Variants in PHIP observed in about 807,000 individuals in gnomAD.
PHIP encodes the protein PHIP subunit of CUL4-Ring ligase complex.
PHIP carries 54 observed loss-of-function variants against 236.8 expected under a neutral mutation model. The ratio of observed to expected loss-of-function variants is 0.23; its 90% CI spans 0.18 to 0.29. The LOEUF is 0.29. Among genes scored for constraint, PHIP ranks in the 10% least tolerant of loss-of-function variants. PHIP has a pLI of 1.00. For missense variants in PHIP, 1,370 were observed against 2,190.8 expected, an observed-to-expected ratio of 0.63 and a Z score of 7.48; for synonymous variants, 756 against 718.9, an observed-to-expected ratio of 1.05 and a Z score of -0.83.
intron 32 of PHIP, 116 bp downstream of exon 32, chr6:78,958,359 T>C: frequency 1.5e-6 from 1 of 655,352 alleles, no homozygotes; most frequent in Non-Finnish European, 2.6e-6. Context: ...AGCTGAGCTA[T>C]TTTGGCTACT....
intron 33 of PHIP, 142 bp downstream of exon 33, chr6:78,955,471 A>G (rs1582101724): frequency 1.8e-6 from 1 of 552,168 alleles, no homozygotes; most frequent in East Asian, 3.1e-5. Flanking sequence ...AGAATATTCT[A>G]CTGCCAGTTG....
Position 78,969,480 on chromosome 6 carries a change from T to C in PHIP, c.3205+355A>G, listed in dbSNP as rs571796171. Among the ~76,000 whole-genome samples, 7 of 152,318 alleles carry C rather than the reference T, an allele frequency of 4.6e-5. No homozygotes were observed. In the South Asian group the frequency reaches 1.4e-3, roughly 32 times the overall value. On this transcript the variant is annotated intron_variant, in intron 27 of 39. Transcript: ENST00000275034. ...ATAGGATTAACCAATAAAAGAAAAA[T>C]GTCAGTTTAGCTTTAGTCCCAGTAC...
At chr6:79,068,668 T>A (rs1293611657) in intron 4 of PHIP, among the ~76,000 whole-genome samples, 1 of 152,212 alleles carries the variant, frequency 6.6e-6, no homozygotes. Flanking sequence ...GTTAGTACTG[T>A]ACCTAACAGT....
chr6:79,018,220 G>A (rs1011689510), intron 10 of PHIP, among the ~76,000 whole-genome samples: 4 of 151,832 alleles, frequency 2.6e-5, no homozygotes, highest in African/African-American at 9.7e-5. Context: ...CCTTGAAAAA[G>A]GAGTAAAAAT....
At chr6:79,062,560 T>C (rs1381797235) in intron 4 of PHIP, among the ~76,000 whole-genome samples, 1 of 152,224 alleles carries the variant, frequency 6.6e-6, no homozygotes, top group African/African-American at 2.4e-5. Flanking sequence ...ACTTATTAAC[T>C]TCAGATGTGT....
chr6:79,029,793 G>A (rs150060335), intron 7 of PHIP, among the ~76,000 whole-genome samples: 3 of 152,106 alleles, frequency 2.0e-5, no homozygotes, highest in Non-Finnish European at 4.4e-5. Flanking sequence ...GCCTCCCAAC[G>A]TGCTGGGATT....
At chr6:78,987,741 G>C (rs552592798) in intron 21 of PHIP, among the ~76,000 whole-genome samples, 1 of 152,030 alleles carries the variant, frequency 6.6e-6, no homozygotes, top group Non-Finnish European at 1.5e-5. Context: ...AAATAATGAC[G>C]CATGAGGAAT....
At chr6:78,990,642 G>A (rs1052138144) in intron 20 of PHIP, among the ~76,000 whole-genome samples, 1 of 152,070 alleles carries the variant, frequency 6.6e-6, no homozygotes, top group African/African-American at 2.4e-5. Flanking sequence ...AGAATTTCAT[G>A]AGTATGTAAG....
rs144035457 is a variant in PHIP, at chr6:79,075,419, G to A, written c.189+2029C>T. Among the ~76,000 whole-genome samples, 315 of 152,188 alleles carry A rather than the reference G, an allele frequency of 2.1e-3. 1 individual carries two copies. Among genetic ancestry groups the A allele is most frequent in the African/African-American group, 6.9e-3 (286 of 41,544 alleles). On this transcript the variant is annotated intron_variant, in intron 4 of 39. Transcript: ENST00000275034. ...GTCTGATGAGTATGCCAACGTTCCT[G>A]TTCTAGTAAGGAGAAAACTCCAAGC...
At chr6:79,054,314 A>T (rs1772957032) in intron 6 of PHIP, among the ~76,000 whole-genome samples, 1 of 150,576 alleles carries the variant, frequency 6.6e-6, no homozygotes. Flanking sequence ...GACAAAAAAG[A>T]ATATAACTGA....
intron 35 of PHIP, among the ~76,000 whole-genome samples, chr6:78,952,428 GAA>G (rs1188992535): frequency 1.7e-5 from 1 of 57,682 alleles, no homozygotes; most frequent in African/African-American, 5.9e-5. Context: ...AAAAAAAAAA[GAA>G]AAAAAAAAAA....
chr6:79,000,745 A>G (rs36000864), intron 17 of PHIP, among the ~76,000 whole-genome samples: 243 of 152,156 alleles, frequency 1.6e-3, no homozygotes, highest in Middle Eastern at 3.4e-3. Context: ...GTATCTGTCC[A>G]TACTTCTCGA....
chr6:78,949,741 T>A (rs1378218950), intron 35 of PHIP, among the ~76,000 whole-genome samples: 1 of 151,932 alleles, frequency 6.6e-6, no homozygotes, highest in Non-Finnish European at 1.5e-5. Context: ...CAGGCTAGAG[T>A]TCAGTGGTAT....
intron 4 of PHIP, among the ~76,000 whole-genome samples, chr6:79,073,518 T>C (rs1001979379): frequency 1.4e-4 from 22 of 152,164 alleles, no homozygotes; most frequent in African/African-American, 5.3e-4. Context: ...AACTATGTTA[T>C]CTTCAATATA....
chr6:78,943,813 C>A (rs1300873622), intron 39 of PHIP, among the ~76,000 whole-genome samples: 1 of 151,664 alleles, frequency 6.6e-6, no homozygotes, highest in African/African-American at 2.4e-5. Context: ...ATGGTGAAAT[C>A]CTGTCTATAT....
intron 19 of PHIP, among the ~76,000 whole-genome samples, chr6:78,993,060 G>A (rs1420160532): frequency 6.6e-6 from 1 of 152,194 alleles, no homozygotes; most frequent in Admixed American, 6.5e-5. Flanking sequence ...GCTTGTTGCC[G>A]ATACAGAAAT....
At chr6:79,039,043 T>C (rs1327589224) in intron 7 of PHIP, among the ~76,000 whole-genome samples, 3 of 152,196 alleles carry the variant, frequency 2.0e-5, no homozygotes, top group Non-Finnish European at 2.9e-5. Context: ...ATTTCTTTTA[T>C]AGATCACTGC....
chr6:78,978,779 TA>T, intron 23 of PHIP, 68 bp from the exon 24 acceptor site: 1 of 1,233,506 alleles, frequency 8.1e-7, no homozygotes, highest in South Asian at 1.4e-5. Flanking sequence ...ATCTACTCTT[TA>T]AAATAACTAT....
intron 31 of PHIP, 46 bp from the exon 32 acceptor site, chr6:78,958,646 AAT>A: frequency 1.7e-6 from 2 of 1,153,206 alleles, no homozygotes; most frequent in Admixed American, 3.8e-5. Flanking sequence ...TATATTTAGA[AAT>A]ATGTGTACAT....
Sources: allele counts gnomAD v4.1 joint callset (sites outside exome capture counted in the v4.1 genomes callset), GRCh38; gene constraint gnomAD v4.1.1; transcripts MANE v1.5; gene names NCBI Gene and HGNC (gene_info 2026-07-23, HGNC 2026-07-21).